The following TNPO2 variants were observed in gnomAD, a reference collection of about 807,000 sequenced individuals.
The protein encoded by TNPO2 is transportin-2.
Under a neutral mutation model 111.1 loss-of-function variants are expected in TNPO2, and 16 were observed. The ratio of observed to expected loss-of-function variants is 0.14; its 90% CI spans 0.10 to 0.22. TNPO2 has a LOEUF of 0.22. Among genes scored for constraint, TNPO2 ranks in the 10% least tolerant of loss-of-function variants. The probability of loss-of-function intolerance (pLI) is 1.00; values close to 1 mark genes in which losing one functional copy is unlikely to be tolerated. For missense variants in TNPO2, 530 were observed against 1,173.7 expected (o/e 0.45, Z 8.01); for synonymous variants, 481 against 475.8 (o/e 1.01, Z -0.14).
intron 2 of TNPO2, chr19:12,722,560 T>TCAAA (rs1967055834): frequency 2.5e-5 from 1 of 39,510 alleles, no homozygotes; most frequent in Non-Finnish European, 4.8e-5. Flanking sequence ...AGAGAGAGAA[T>TCAAA]TAAAAAAAAA....
Position 12,701,471 on chromosome 19 carries a change from G to T in TNPO2, c.2587-18C>A, listed in dbSNP as rs760802156. On this transcript the variant is annotated intron_variant, in intron 24 of 25. Transcript: ENST00000425528. The surrounding 1 kb of genome is among the most constrained non-coding windows in gnomAD (Gnocchi z 5.0). ...TGGAGAATCTGTGGGGAGGGTGGTGGTGAGGGGTAGGCAGGGGCAGAACAA... is the reference window on the plus strand; with the variant it reads ...TGGAGAATCTGTGGGGAGGGTGGTGTTGAGGGGTAGGCAGGGGCAGAACAA... 3.6e-5 allele frequency: 58 copies of T among 1,610,768 alleles called. No individual in the cohort carries two copies. In the South Asian group the frequency reaches 5.9e-4, roughly 16 times the overall value.
chr19:12,722,475 A>AC, intron 2 of TNPO2: 1 of 142,040 alleles, frequency 7.0e-6, no homozygotes, highest in Non-Finnish European at 1.5e-5. Flanking sequence ...AGGCCCACTT[A>AC]CCCGGCCCCG....
chr19:12,723,197 C>A (rs775973550), intron 2 of TNPO2, 52 bp downstream of exon 2: 1 of 152,128 alleles, frequency 6.6e-6, no homozygotes, highest in Non-Finnish European at 1.5e-5. Flanking sequence ...TTGAATAAAA[C>A]GAAATGAACT....
At position 12,701,369 on chromosome 19, in the gene TNPO2, G is replaced by T. The variant is rs767454985; in HGVS notation, c.2671C>A (p.Leu891Met). The change falls in exon 25 of 26, where the codon CTG (leucine) becomes ATG (methionine). Residue 891 changes from leucine (L) to methionine (M), a missense_variant. Around this residue, in one of 4 missense-constraint regions of TNPO2, gnomAD observed 103 missense variants for 156.7 expected, o/e 0.66. Transcript: ENST00000425528. This position sits in a 1 kb window ranked among gnomAD's most constrained non-coding sequence, Gnocchi z 5.0. ...EQFPPLLKER[L>M]AAFYGV The stretch of plus-strand genomic sequence containing the variant: ...ACCTAGACCCCATAGAAAGCCGCCA[G>T]CCTCTCCTTGAGCAGCGGCGGGAAT... 5.6e-6 allele frequency: 9 copies of T among 1,613,940 alleles called. No homozygotes were observed. The highest frequency in any genetic ancestry group is 7.6e-6 in the Non-Finnish European group (9 of 1,179,856).
Position 12,705,163 on chromosome 19 carries a change from A to G in TNPO2, c.2022+77T>C, listed in dbSNP as rs2025565074. On this transcript the variant is annotated intron_variant, in intron 18 of 25. Transcript: ENST00000425528. This position sits in a 1 kb window ranked among gnomAD's most constrained non-coding sequence, Gnocchi z 7.2. The stretch of plus-strand genomic sequence containing the variant: ...CTTTTCCCTGATTTCCTTTGGGCAC[A>G]ACCAGGCCCTGACTCCCCACCAGGG... 6.9e-7 allele frequency: 1 copy of G among 1,439,656 alleles called. No homozygotes were observed. Among genetic ancestry groups the G allele is most frequent in the Non-Finnish European group, 9.5e-7 (1 of 1,053,240 alleles). The allele number at this position is 1,439,656 out of a possible 1,614,324, so 89.2% of individuals were successfully genotyped here.
Position 12,721,107 on chromosome 19 carries a change from C to CG in TNPO2, c.-13-118dup, listed in dbSNP as rs766372228. 1.3e-5 allele frequency: 20 copies of CG among 1,521,544 alleles called. No homozygotes were observed. In the South Asian group the frequency reaches 2.4e-4, roughly 18 times the overall value. The allele number at this position is 1,521,544 out of a possible 1,614,324, so 94.3% of individuals were successfully genotyped here. On this transcript the variant is annotated intron_variant, in intron 2 of 25. Coordinates refer to ENST00000425528, the MANE Select transcript of TNPO2 (RefSeq NM_001382241.1). The surrounding 1 kb of genome is among the most constrained non-coding windows in gnomAD (Gnocchi z 4.9). ...GACGGGAACGCCCTCGGCGGACAGG[C>CG]GGAGGCCTCCGATCCACGCCCGCCC...
At chr19:12,710,819 C>A (rs762365032) in intron 12 of TNPO2, 46 bp from the exon 13 acceptor site, 3 of 1,554,542 alleles carry the variant, frequency 1.9e-6, no homozygotes, top group South Asian at 1.2e-5. Flanking sequence ...GCCCCTCAGG[C>A]AGGTGGCCGA....
Position 12,700,353 on chromosome 19 carries a change from G to A in TNPO2, c.*911C>T, listed in dbSNP as rs1355091909. The A allele has an allele frequency of 1.3e-5, 2 of 152,166 alleles. No homozygotes were observed. Among genetic ancestry groups the A allele is most frequent in the Non-Finnish European group, 1.5e-5 (1 of 68,034 alleles). 9.4% of individuals were successfully genotyped at this position (152,166 alleles called of 1,614,324 possible). A position where few individuals can be genotyped will look rare whatever the true frequency, so the allele number is the denominator to read the frequency against. On this transcript the variant is annotated 3_prime_UTR_variant, in exon 26 of 26. Coordinates refer to ENST00000425528, the MANE Select transcript of TNPO2 (RefSeq NM_001382241.1). ...TTACAGAGAGAGATGCTCGGGGTAG[G>A]TGCCAGTAGCTCTGGCTACACCCAG...
chr19:12,721,117 C>A lies in TNPO2; in HGVS notation c.-13-127G>T. 1 of 1,505,366 alleles carries A rather than the reference C, an allele frequency of 6.6e-7. No individual in the cohort carries two copies. The highest frequency in any genetic ancestry group is 2.6e-5 in the East Asian group (1 of 38,902). 93.3% of individuals were successfully genotyped at this position (1,505,366 alleles called of 1,614,324 possible). ...CCCTCGGCGGACAGGCGGAGGCCTC[C>A]GATCCACGCCCGCCCAAGTGCGGGG... On this transcript the variant is annotated intron_variant, in intron 2 of 25. Coordinates refer to ENST00000425528, the MANE Select transcript of TNPO2 (RefSeq NM_001382241.1). This position sits in a 1 kb window ranked among gnomAD's most constrained non-coding sequence, Gnocchi z 4.9.
chr19:12,720,858 C>T, intron 3 of TNPO2, 21 bp downstream of exon 3: 1 of 1,574,836 alleles, frequency 6.3e-7, no homozygotes, highest in Non-Finnish European at 8.6e-7. Context: ...CTCCCCCAGC[C>T]CCGGAAGGAA....
rs1385272553 is a variant in TNPO2 at position 12,699,284 on chromosome 19, C to G, written c.*1980G>C. ...CTCGGCGCCAATCCCCAGCACAGCA[C>G]AGTAACAAATGGACAGACCCGGGAG... On this transcript the variant is annotated 3_prime_UTR_variant, in exon 26 of 26. Coordinates refer to ENST00000425528, the MANE Select transcript of TNPO2 (RefSeq NM_001382241.1). The G allele has an allele frequency of 2.2e-6, 1 of 444,870 alleles. No homozygotes were observed. The highest frequency in any genetic ancestry group is 2.0e-5 in the African/African-American group (1 of 49,338). The allele number at this position is 444,870 out of a possible 1,614,324, so 27.6% of individuals were successfully genotyped here. A position where few individuals can be genotyped will look rare whatever the true frequency, so the allele number is the denominator to read the frequency against.
rs1232338320 is a variant in TNPO2, at chr19:12,705,227, G to A, written c.2022+13C>T. On this transcript the variant is annotated intron_variant, in intron 18 of 25. Transcript: ENST00000425528. The surrounding 1 kb of genome is among the most constrained non-coding windows in gnomAD (Gnocchi z 7.2). ...GCTGCTGGGTGTCATCACTGTCCAG[G>A]GTCCCCACCCACCTGCATGCACTGG... 1.9e-6 allele frequency: 3 copies of A among 1,597,446 alleles called. No individual in the cohort carries two copies. The highest frequency in any genetic ancestry group is 2.3e-5 in the East Asian group (1 of 44,138).
At chr19:12,722,389 G>C (rs1345602100) in intron 2 of TNPO2, 2 of 149,166 alleles carry the variant, frequency 1.3e-5, no homozygotes, top group African/African-American at 4.9e-5. Flanking sequence ...CCCGACGCCC[G>C]GGCCGCGCGC....
At chr19:12,717,112 G>A (rs985715651) in intron 5 of TNPO2, among the ~76,000 whole-genome samples, 1 of 151,926 alleles carries the variant, frequency 6.6e-6, no homozygotes, top group Non-Finnish European at 1.5e-5. Flanking sequence ...AACTCAACGA[G>A]AGAAAGGTGC....
At chr19:12,720,325 T>A (rs543906214) in intron 3 of TNPO2, among the ~76,000 whole-genome samples, 2 of 152,120 alleles carry the variant, frequency 1.3e-5, no homozygotes, top group Non-Finnish European at 2.9e-5. Flanking sequence ...GGCCTATATA[T>A]CTTTTCTTTG....
rs201491050 is a variant in TNPO2, at chr19:12,706,996, G to A, written c.1271-201C>T. Among the ~76,000 whole-genome samples the A allele has an allele frequency of 2.6e-5, 4 of 152,210 alleles. No individual in the cohort carries two copies. Among genetic ancestry groups the A allele is most frequent in the East Asian group, 1.9e-4 (1 of 5,182 alleles). On this transcript the variant is annotated intron_variant, in intron 13 of 25. Transcript: ENST00000425528. This position sits in a 1 kb window ranked among gnomAD's most constrained non-coding sequence, Gnocchi z 7.0. ...CAGAAGCCTCTCATCCCAAAGCCCC[G>A]GGTTATCTTTATTTTTTTTTGAGGC...
chr19:12,706,529 G>A lies in TNPO2; in HGVS notation c.1496+41C>T, dbSNP rs145549587. Reference sequence around the variant, plus strand: ...TGTCATCACTTCCCAGAGGGTGGCCGGGGGAGAGTGGGGGCTGTGGGATCA... The same window carrying A: ...TGTCATCACTTCCCAGAGGGTGGCCAGGGGAGAGTGGGGGCTGTGGGATCA... On this transcript the variant is annotated intron_variant, in intron 14 of 25. Coordinates refer to ENST00000425528, the MANE Select transcript of TNPO2 (RefSeq NM_001382241.1). This position sits in a 1 kb window ranked among gnomAD's most constrained non-coding sequence, Gnocchi z 7.0. The A allele has an allele frequency of 8.8e-4, 1,413 of 1,601,366 alleles. 7 individuals carry two copies. The African/African-American group carries it at 0.016, about 18-fold the overall frequency.
At position 12,715,283 on chromosome 19, in the gene TNPO2, C is replaced by T. The variant is rs1479854591; in HGVS notation, c.608G>A (p.Arg203Gln). Reference sequence around the variant, plus strand: ...AATATTGTCCATCAGCGCCTGGGCCCGGTCCATGATGAACTGGTTCACGCA... The same window carrying T: ...AATATTGTCCATCAGCGCCTGGGCCTGGTCCATGATGAACTGGTTCACGCA... ...IACVNQFIMD[R>Q]AQALMDNIDT... The change falls in exon 8 of 26, where the codon CGG becomes CAG. Residue 203 changes from arginine to glutamine, a missense_variant. By Grantham distance (43) the Arg-to-Gln change is conservative (BLOSUM62 1). Around this residue, in one of 4 missense-constraint regions of TNPO2, gnomAD observed 156 missense variants for 405.8 expected, o/e 0.38. Transcript: ENST00000425528. The surrounding 1 kb of genome is among the most constrained non-coding windows in gnomAD (Gnocchi z 7.1). The T allele has an allele frequency of 1.9e-6, 3 of 1,613,486 alleles. No homozygotes were observed. Among genetic ancestry groups the T allele is most frequent in the Non-Finnish European group, 1.7e-6 (2 of 1,179,728 alleles).
Position 12,711,384 on chromosome 19 carries a change from G to T in TNPO2, c.1029C>A (p.Val343=). 1.9e-6 allele frequency: 3 copies of T among 1,614,010 alleles called. No individual in the cohort carries two copies. Among genetic ancestry groups the T allele is most frequent in the Non-Finnish European group, 2.5e-6 (3 of 1,179,890 alleles). The change falls in exon 12 of 26, where the codon GTC becomes GTA. Residue 343 remains valine, a synonymous_variant. Transcript: ENST00000425528. ...IKPRFHKSRT[V]TLPHEAERPD... is the part of the protein sequence containing the mutation. The stretch of plus-strand genomic sequence containing the variant: ...GCCGCTCAGCCTCGTGGGGCAGTGT[G>T]ACCGTGCGTGACTTGTGGAAGCGTG...
Sources: allele counts gnomAD v4.1 joint callset (sites outside exome capture counted in the v4.1 genomes callset), GRCh38; gene constraint gnomAD v4.1.1; regional missense constraint gnomAD v4.1.1; non-coding constraint Gnocchi (gnomAD v3.1); transcripts MANE v1.5; gene names NCBI Gene and HGNC (gene_info 2026-07-23, HGNC 2026-07-21).